The following APBB2 variants were observed in gnomAD, a reference collection of about 807,000 sequenced individuals.
APBB2 encodes amyloid beta precursor protein binding family B member 2.
In APBB2, 38 loss-of-function variants were observed where a neutral mutation model predicts 82.5. The ratio of observed to expected loss-of-function variants is 0.46; its 90% CI spans 0.36 to 0.60. APBB2 has a LOEUF of 0.60. Ranked by LOEUF, APBB2 falls within the 20% of genes least tolerant of loss-of-function variation. APBB2 has a pLI of 0.00. For synonymous variants in APBB2, 341 were observed against 368.2 expected, an observed-to-expected ratio of 0.93 and a Z score of 0.85; for missense variants, 772 against 972.3, an observed-to-expected ratio of 0.79 and a Z score of 2.74.
chr4:41,037,449 T>G (rs1719671787), intron 4 of APBB2, among the ~76,000 whole-genome samples: 1 of 152,256 alleles, frequency 6.6e-6, no homozygotes, highest in African/African-American at 2.4e-5. Context: ...AAACCATGTT[T>G]AGAATTTCCA....
intron 4 of APBB2, among the ~76,000 whole-genome samples, chr4:41,038,916 T>A (rs1377850688): frequency 6.6e-6 from 1 of 152,228 alleles, no homozygotes; most frequent in Non-Finnish European, 1.5e-5. Flanking sequence ...CCATTGTTAG[T>A]GCAATAGCTA....
chr4:40,901,936 TG>T (rs1422658836), intron 10 of APBB2, among the ~76,000 whole-genome samples: 201 of 152,084 alleles, frequency 1.3e-3, no homozygotes, highest in African/African-American at 4.6e-3. Context: ...TGTGTGTGTG[TG>T]TGTGTGATGG....
intron 4 of APBB2, among the ~76,000 whole-genome samples, chr4:41,040,463 T>C (rs1439424276): frequency 2.0e-5 from 3 of 152,208 alleles, no homozygotes; most frequent in Non-Finnish European, 2.9e-5. Flanking sequence ...TTGTAAGGAT[T>C]ATCTAACTGA....
At chr4:40,995,418 C>G (rs1803361793) in intron 6 of APBB2, among the ~76,000 whole-genome samples, 2 of 152,138 alleles carry the variant, frequency 1.3e-5, no homozygotes, top group Admixed American at 6.5e-5. Context: ...CTCTGTTGCT[C>G]AGGCTGGAGT....
At chr4:40,978,842 A>G (rs1185630526) in intron 6 of APBB2, among the ~76,000 whole-genome samples, 1 of 152,232 alleles carries the variant, frequency 6.6e-6, no homozygotes, top group African/African-American at 2.4e-5. Context: ...AAAATGTTCT[A>G]ATTCAATACA....
chr4:40,951,723 C>T (rs1216032976), intron 6 of APBB2, among the ~76,000 whole-genome samples: 2 of 152,154 alleles, frequency 1.3e-5, no homozygotes, highest in Admixed American at 6.5e-5. Context: ...ATGCAGCAGC[C>T]GTGTTCACTG....
At chr4:41,160,038 A>AGAAGAAG (rs1764727685) in intron 1 of APBB2, among the ~76,000 whole-genome samples, 1 of 123,136 alleles carries the variant, frequency 8.1e-6, no homozygotes, top group African/African-American at 3.5e-5. Context: ...AGAAGAAGAA[A>AGAAGAAG]ACATCACAGG....
At chr4:41,143,887 C>A (rs917497841) in intron 1 of APBB2, among the ~76,000 whole-genome samples, 2 of 152,206 alleles carry the variant, frequency 1.3e-5, no homozygotes, top group African/African-American at 4.8e-5. Flanking sequence ...CCTTAACTAT[C>A]CTGCTGCCAA....
chr4:40,918,899 C>T (rs2154367030), intron 10 of APBB2, among the ~76,000 whole-genome samples: 1 of 151,700 alleles, frequency 6.6e-6, no homozygotes, highest in South Asian at 2.1e-4. Flanking sequence ...GCATAAGCCA[C>T]CATGCCTGGC....
At chr4:40,848,260 A>G (rs1372970359) in intron 12 of APBB2, among the ~76,000 whole-genome samples, 1 of 152,262 alleles carries the variant, frequency 6.6e-6, no homozygotes, top group Non-Finnish European at 1.5e-5. Flanking sequence ...GCTTCTGTCT[A>G]GCCAGGCTCT....
At chr4:41,063,826 A>G (rs893943440) in intron 4 of APBB2, among the ~76,000 whole-genome samples, 5 of 144,838 alleles carry the variant, frequency 3.5e-5, no homozygotes, top group African/African-American at 1.3e-4. Flanking sequence ...CTACAGGCAC[A>G]TGCCACCATA....
chr4:41,052,224 C>CATACATAT (rs1726243948), intron 4 of APBB2, among the ~76,000 whole-genome samples: 1 of 151,916 alleles, frequency 6.6e-6, no homozygotes, highest in Non-Finnish European at 1.5e-5. Flanking sequence ...TACATACATA[C>CATACATAT]ATACATACAT....
At chr4:41,160,330 C>T (rs1764837286) in intron 1 of APBB2, among the ~76,000 whole-genome samples, 3 of 152,306 alleles carry the variant, frequency 2.0e-5, no homozygotes, top group African/African-American at 7.2e-5. Context: ...TCCCATTTCA[C>T]TCCCTGCAAA....
Position 40,821,754 on chromosome 4 carries a change from GC to G in APBB2, c.2112+116del, listed in dbSNP as rs1436821617. 9 of 1,183,804 alleles carry G rather than the reference GC, an allele frequency of 7.6e-6. No homozygotes were observed. In the Admixed American group the frequency reaches 2.2e-4, roughly 29 times the overall value. 73.3% of individuals were successfully genotyped at this position (1,183,804 alleles called of 1,614,324 possible). A position where few individuals can be genotyped will look rare whatever the true frequency, so the allele number is the denominator to read the frequency against. Reference sequence around the variant, plus strand: ...AGGAATGACGGCGTTATAAAGTAAAGCATTACTTTAGGGATTCGACTTTTTT... The same window carrying G: ...AGGAATGACGGCGTTATAAAGTAAAGATTACTTTAGGGATTCGACTTTTTT... On this transcript the variant is annotated intron_variant, in intron 17 of 17. Transcript: ENST00000508593.
chr4:40,986,155 T>C (rs922642884), intron 6 of APBB2, among the ~76,000 whole-genome samples: 1 of 152,192 alleles, frequency 6.6e-6, no homozygotes, highest in African/African-American at 2.4e-5. Flanking sequence ...ATTATTTATT[T>C]CCTCCATTTA....
Position 40,813,754 on chromosome 4 carries a change from T to C in APBB2, c.*2338A>G, listed in dbSNP as rs1049690772. 1 of 152,186 alleles carries C rather than the reference T, an allele frequency of 6.6e-6. No individual in the cohort carries two copies. Among genetic ancestry groups the C allele is most frequent in the Non-Finnish European group, 1.5e-5 (1 of 68,044 alleles). The allele number at this position is 152,186 out of a possible 1,614,324, so 9.4% of individuals were successfully genotyped here. A position where few individuals can be genotyped will look rare whatever the true frequency, so the allele number is the denominator to read the frequency against. ...AATGAAGAGGGAGTTCTGGTAGAGATTTCCAATATAAAAGTGGGTAATTTG... is the reference window on the plus strand; with the variant it reads ...AATGAAGAGGGAGTTCTGGTAGAGACTTCCAATATAAAAGTGGGTAATTTG... On this transcript the variant is annotated 3_prime_UTR_variant, in exon 18 of 18. Transcript: ENST00000508593.
intron 4 of APBB2, among the ~76,000 whole-genome samples, chr4:41,041,072 G>C (rs1286759088): frequency 6.6e-6 from 1 of 152,058 alleles, no homozygotes; most frequent in East Asian, 1.9e-4. Flanking sequence ...AGTAGAGACA[G>C]GGTTTCACCG....
At chr4:41,135,551 A>G (rs1359935401) in intron 2 of APBB2, among the ~76,000 whole-genome samples, 2 of 152,224 alleles carry the variant, frequency 1.3e-5, no homozygotes, top group Non-Finnish European at 2.9e-5. Flanking sequence ...TGGACAATAT[A>G]ATCAAATTAA....
chr4:41,175,916 G>T (rs1478763104), intron 1 of APBB2, among the ~76,000 whole-genome samples: 1 of 152,160 alleles, frequency 6.6e-6, no homozygotes, highest in African/African-American at 2.4e-5. Flanking sequence ...AAACTGTGTA[G>T]ATCATGCATC....
Sources: allele counts gnomAD v4.1 joint callset (sites outside exome capture counted in the v4.1 genomes callset), GRCh38; gene constraint gnomAD v4.1.1; transcripts MANE v1.5; gene names NCBI Gene and HGNC (gene_info 2026-07-23, HGNC 2026-07-21).